TBC1D2B: variants seen among roughly 807,000 people sequenced by gnomAD.
TBC1D2B encodes TBC1 domain family, member 2B.
Under a neutral mutation model 100.8 loss-of-function variants are expected in TBC1D2B, and 64 were observed. The observed-to-expected ratio is 0.64, with a 90% confidence interval of 0.52 to 0.78. TBC1D2B has a LOEUF of 0.78. TBC1D2B is among the 30% of genes least tolerant of loss of function. The pLI, the probability that TBC1D2B is intolerant of heterozygous loss-of-function variation, is 0.00. For missense variants in TBC1D2B, 1,052 were observed against 1,218.4 expected (o/e 0.86, Z 2.03); for synonymous variants, 480 against 479.7 (o/e 1.00, Z -0.01).
In TBC1D2B at chr15:78,025,508, A is replaced by C; in HGVS notation, c.848-11T>G. The C allele has an allele frequency of 6.5e-7, 1 of 1,543,708 alleles. No individual in the cohort carries two copies. The highest frequency in any genetic ancestry group is 8.8e-7 in the Non-Finnish European group (1 of 1,140,548). On this transcript the variant is annotated splice_polypyrimidine_tract_variant and intron_variant, in intron 4 of 12. Transcript: ENST00000300584. ...CTGAGCCAGTTACTCCTACATAAAA[A>C]TAAAACTTGTATTTTATTATTATTA... is the stretch of plus-strand genomic sequence containing the variant.
chr15:78,068,230 TAC>T (rs768463640), intron 1 of TBC1D2B, among the ~76,000 whole-genome samples: 6 of 152,204 alleles, frequency 3.9e-5, no homozygotes, highest in Non-Finnish European at 7.3e-5. Context: ...AAGTTAACAC[TAC>T]AGTTTCTTAA....
chr15:78,060,088 G>A (rs2073511216), intron 1 of TBC1D2B, among the ~76,000 whole-genome samples: 1 of 152,174 alleles, frequency 6.6e-6, no homozygotes, highest in African/African-American at 2.4e-5. Context: ...TGGGAATGTA[G>A]CTAAAGTAGT....
At chr15:78,017,006 T>G (rs999881412) in intron 7 of TBC1D2B, 6 of 342,436 alleles carry the variant, frequency 1.8e-5, no homozygotes, top group Non-Finnish European at 2.7e-5. Flanking sequence ...TGGACAGAGG[T>G]GGAGAGAGCA....
rs2071968515 is a variant in TBC1D2B at position 78,003,359 on chromosome 15, G to A, written c.2520C>T (p.Val840=). 4 of 1,613,738 alleles carry A rather than the reference G, an allele frequency of 2.5e-6. No homozygotes were observed. Among genetic ancestry groups the A allele is most frequent in the African/African-American group, 2.7e-5 (2 of 74,920 alleles). ...NWFLVVFVDS[V]VSDILFKIWD... is the part of the protein sequence containing the mutation. ...ATATTTTAAAGAGGATGTCACTAAC[G>A]ACACTATCCACAAATACCACCAGAA... The change falls in exon 11 of 13, where the codon GTC becomes GTT. Residue 840 remains valine (V), a synonymous_variant. Transcript: ENST00000300584.
chr15:78,011,946 C>T (rs1438661270), intron 9 of TBC1D2B, among the ~76,000 whole-genome samples: 1 of 151,710 alleles, frequency 6.6e-6, no homozygotes, highest in Non-Finnish European at 1.5e-5. Flanking sequence ...CGCACACAGC[C>T]AATTTTTTTG....
intron 10 of TBC1D2B, among the ~76,000 whole-genome samples, chr15:78,008,001 C>T (rs946745430): frequency 2.0e-5 from 3 of 152,252 alleles, no homozygotes; most frequent in Non-Finnish European, 4.4e-5. Context: ...TGTGAGCAGG[C>T]AGGCCAGGCG....
rs1283856589 is a variant in TBC1D2B at position 77,995,212 on chromosome 15, C to T, written c.*2948G>A. 6.6e-6 allele frequency: 1 copy of T among 152,116 alleles called. No individual in the cohort carries two copies. The highest frequency in any genetic ancestry group is 1.9e-4 in the East Asian group (1 of 5,168). 9.4% of individuals were successfully genotyped at this position (152,116 alleles called of 1,614,324 possible). A position where few individuals can be genotyped will look rare whatever the true frequency, so the allele number is the denominator to read the frequency against. On this transcript the variant is annotated 3_prime_UTR_variant, in exon 13 of 13. Coordinates refer to ENST00000300584, the MANE Select transcript of TBC1D2B (RefSeq NM_144572.2). ...CGGGCAGGCCCAGCTGCCCAGAAGC[C>T]CCGGAACACACAGGAAGACAACACT...
intron 1 of TBC1D2B, among the ~76,000 whole-genome samples, chr15:78,068,396 C>T (rs950200375): frequency 6.6e-6 from 1 of 151,300 alleles, no homozygotes; most frequent in Non-Finnish European, 1.5e-5. Context: ...CACACACACA[C>T]ACACACACAC....
chr15:78,026,761 C>T (rs543364679), intron 4 of TBC1D2B, among the ~76,000 whole-genome samples: 62 of 152,048 alleles, frequency 4.1e-4, no homozygotes, highest in African/African-American at 1.4e-3. Flanking sequence ...ACTAAATATG[C>T]GTGGTGGTGC....
At chr15:78,044,864 A>G (rs1476915364) in intron 3 of TBC1D2B, 36 bp downstream of exon 3, 5 of 1,538,244 alleles carry the variant, frequency 3.3e-6, no homozygotes, top group Non-Finnish European at 4.4e-6. Context: ...GAAACAACCC[A>G]TTTTCAATTT....
chr15:78,009,078 T>C lies in TBC1D2B; in HGVS notation c.2307A>G (p.Glu769=). 6.2e-7 allele frequency: 1 copy of C among 1,607,846 alleles called. No homozygotes were observed. Among genetic ancestry groups the C allele is most frequent in the Non-Finnish European group, 8.5e-7 (1 of 1,176,924 alleles). ...TGGTAACGAGACACCAGAAAGCATC[T>C]TCTTGTTCCAGGTACAGGAGGGCCA... The part of the protein sequence containing the change: ...VAVALLYLEQ[E]DAFWCLVTIV... Residue 769 remains glutamate (E), a synonymous_variant, in exon 10 of 13, where the codon GAA becomes GAG. Transcript: ENST00000300584.
chr15:78,072,298 G>A (rs1028982337), intron 1 of TBC1D2B, among the ~76,000 whole-genome samples: 3 of 152,292 alleles, frequency 2.0e-5, no homozygotes, highest in South Asian at 2.1e-4. Context: ...AGAGGGAGAC[G>A]GAATGCCACT....
At chr15:78,013,446 A>G in intron 8 of TBC1D2B, 129 bp from the exon 9 acceptor site, 2 of 894,906 alleles carry the variant, frequency 2.2e-6, no homozygotes, top group Non-Finnish European at 3.3e-6. Flanking sequence ...GAAGCATTTC[A>G]AATCAGTGAG....
At position 78,024,380 on chromosome 15, in the gene TBC1D2B, T is replaced by C; in HGVS notation, c.1246A>G (p.Ser416Gly). The C allele has an allele frequency of 6.2e-7, 1 of 1,614,084 alleles. No individual in the cohort carries two copies. The highest frequency in any genetic ancestry group is 2.2e-5 in the East Asian group (1 of 44,890). Residue 416 changes from serine to glycine, a missense_variant, in exon 6 of 13, where the codon AGC becomes GGC. By Grantham distance (56) the Ser-to-Gly change is moderately conservative (BLOSUM62 0). Coordinates refer to ENST00000300584, the MANE Select transcript of TBC1D2B (RefSeq NM_144572.2). ...LGLTSQLERF[S>G]LEKESLQQEV... is the part of the protein sequence containing the mutation. The stretch of plus-strand genomic sequence containing the variant: ...TGCTGAAGACTCTCCTTCTCCAAGC[T>C]GAACCTCTCCAGCTGGCTGGTAAGG...
In TBC1D2B at chr15:78,054,123, C is replaced by A. The variant is rs140948562; in HGVS notation, c.425G>T (p.Cys142Phe). 123 of 1,613,892 alleles carry A rather than the reference C, an allele frequency of 7.6e-5. No individual in the cohort carries two copies. The highest frequency in any genetic ancestry group is 1.2e-4 in the African/African-American group (9 of 75,014). ...CCACTTGACCATGTCAAGACTGTTA[C>A]AATATTCCCATCTCTTCTGCTGAAG... Reference protein sequence around the residue: ...QELQQKRWEYCNSLDMVKWDS... With the variant: ...QELQQKRWEYFNSLDMVKWDS... Residue 142 changes from cysteine (C) to phenylalanine (F), a missense_variant, in exon 2 of 13, where the codon TGT (cysteine) becomes TTT (phenylalanine). Physicochemically the swap from Cys to Phe is radical, Grantham distance 205. This residue lies in a region of TBC1D2B where 627 missense variants were observed against 646.1 expected (regional missense o/e 0.97). Transcript: ENST00000300584.
rs2071795505 is a variant in TBC1D2B, at chr15:77,997,526, A to T, written c.*634T>A. Reference sequence around the variant, plus strand: ...TCCCCATGCAGGCTGGAAGACACTGATGGAAGGGTTGCGTGTGGAAGAGCA... The same window carrying T: ...TCCCCATGCAGGCTGGAAGACACTGTTGGAAGGGTTGCGTGTGGAAGAGCA... On this transcript the variant is annotated 3_prime_UTR_variant, in exon 13 of 13. Transcript: ENST00000300584. 1 of 152,298 alleles carries T rather than the reference A, an allele frequency of 6.6e-6. No homozygotes were observed. Among genetic ancestry groups the T allele is most frequent in the African/African-American group, 2.4e-5 (1 of 41,470 alleles). The allele number at this position is 152,298 out of a possible 1,614,324, so 9.4% of individuals were successfully genotyped here.
rs1324608105 is a variant in TBC1D2B, at chr15:78,003,508, G to A, written c.2389-18C>T. The stretch of plus-strand genomic sequence containing the variant: ...TGGTCCACCTGGAGAGGGAACAAAG[G>A]GGAGAAGTGTATCAGGCCTGCCAGG... On this transcript the variant is annotated intron_variant, in intron 10 of 12. Transcript: ENST00000300584. The A allele has an allele frequency of 1.3e-6, 2 of 1,595,668 alleles. No homozygotes were observed. Among genetic ancestry groups the A allele is most frequent in the African/African-American group, 1.3e-5 (1 of 74,784 alleles).
At chr15:78,065,724 T>G (rs1023314049) in intron 1 of TBC1D2B, among the ~76,000 whole-genome samples, 1 of 152,006 alleles carries the variant, frequency 6.6e-6, no homozygotes, top group African/African-American at 2.4e-5. Flanking sequence ...ACCACATTAT[T>G]CTGCTTGATG....
chr15:78,043,459 A>G (rs988052231), intron 3 of TBC1D2B, among the ~76,000 whole-genome samples: 1 of 151,926 alleles, frequency 6.6e-6, no homozygotes, highest in Non-Finnish European at 1.5e-5. Context: ...GAGTGCAGTG[A>G]TGCGAACTCA....
Sources: gnomAD v4.1 joint callset for allele counts (sites outside exome capture counted in the v4.1 genomes callset) on GRCh38, gnomAD v4.1.1 for gene constraint, gnomAD v4.1.1 regional missense constraint, MANE v1.5 for transcripts, NCBI Gene and HGNC (gene_info 2026-07-23, HGNC 2026-07-21) for gene names.